Variants in UBE2E2 observed in about 807,000 individuals in gnomAD.
UBE2E2 encodes ubiquitin conjugating enzyme E2 E2.
UBE2E2 carries 6 observed loss-of-function variants against 24.7 expected under a neutral mutation model. That is an observed-to-expected ratio of 0.24 (90% confidence interval 0.13 to 0.48). UBE2E2 has a LOEUF of 0.48. Among genes scored for constraint, UBE2E2 ranks in the 20% least tolerant of loss-of-function variants. The pLI is 0.99. For synonymous variants in UBE2E2, 104 were observed against 83.6 expected, an observed-to-expected ratio of 1.24 and a Z score of -1.33; for missense variants, 169 against 245.0, an observed-to-expected ratio of 0.69 and a Z score of 2.07.
intron 1 of UBE2E2, chr3:23,204,626 G>A: frequency 1.1e-6 from 1 of 935,542 alleles, no homozygotes; most frequent in Admixed American, 6.2e-5. Context: ...TCTGTATGTG[G>A]GCTGACGCTG....
At position 23,280,723 on chromosome 3, in the gene UBE2E2, A is replaced by G. The variant is rs1275424790; in HGVS notation, c.227+63411A>G. Reference sequence around the variant, plus strand: ...CAGTAAATATTTATTGACTAAAGGAATGAGTACTGGAGACTAGCCTCTATG... The same window carrying G: ...CAGTAAATATTTATTGACTAAAGGAGTGAGTACTGGAGACTAGCCTCTATG... On this transcript the variant is annotated intron_variant, in intron 3 of 5. Coordinates refer to ENST00000396703, the MANE Select transcript of UBE2E2 (RefSeq NM_152653.4). This position sits in a 1 kb window ranked among gnomAD's most constrained non-coding sequence, Gnocchi z 4.3. 1.3e-5 allele frequency among the ~76,000 whole-genome samples: 2 copies of G among 152,200 alleles called. No homozygotes were observed. The highest frequency in any genetic ancestry group is 3.8e-4 in the East Asian group (2 of 5,198).
At position 23,302,148 on chromosome 3, in the gene UBE2E2, C is replaced by A. The variant is rs548842365; in HGVS notation, c.227+84836C>A. 7.9e-5 allele frequency among the ~76,000 whole-genome samples: 12 copies of A among 152,230 alleles called. No individual in the cohort carries two copies. In the South Asian group the frequency reaches 2.5e-3, roughly 32 times the overall value. The stretch of plus-strand genomic sequence containing the variant: ...GATTACTTTAGGTTTCTCTGTCTCC[C>A]AGTCTGTGATGTCCCTTCCAGCCAT... On this transcript the variant is annotated intron_variant, in intron 3 of 5. Coordinates refer to ENST00000396703, the MANE Select transcript of UBE2E2 (RefSeq NM_152653.4).
At chr3:23,273,713 C>T (rs1698311673) in intron 3 of UBE2E2, 1 of 152,148 alleles carries the variant, frequency 6.6e-6, no homozygotes, top group Non-Finnish European at 1.5e-5. Flanking sequence ...TGAATAAGAA[C>T]TTGTAAATTG....
At chr3:23,248,456 T>C (rs1352252020) in intron 3 of UBE2E2, among the ~76,000 whole-genome samples, 1 of 152,254 alleles carries the variant, frequency 6.6e-6, no homozygotes, top group Non-Finnish European at 1.5e-5. Context: ...GCTAGCTAAG[T>C]GGAATGTTGA....
At chr3:23,525,830 C>T (rs1461765227) in intron 4 of UBE2E2, among the ~76,000 whole-genome samples, 3 of 152,312 alleles carry the variant, frequency 2.0e-5, no homozygotes, top group Admixed American at 6.5e-5. Context: ...AGTCAGAGAT[C>T]GGAGTAGTCT....
At chr3:23,377,332 TG>T (rs1696549098) in intron 3 of UBE2E2, among the ~76,000 whole-genome samples, 1 of 152,248 alleles carries the variant, frequency 6.6e-6, no homozygotes, top group African/African-American at 2.4e-5. Flanking sequence ...TGTGTTACTC[TG>T]TGACTTGGCT....
chr3:23,470,165 T>A (rs1395539435), intron 3 of UBE2E2, among the ~76,000 whole-genome samples: 1 of 152,224 alleles, frequency 6.6e-6, no homozygotes, highest in African/African-American at 2.4e-5. Context: ...GTCCTAAAAT[T>A]GGGTCTTGTA....
intron 3 of UBE2E2, among the ~76,000 whole-genome samples, chr3:23,268,745 G>C (rs1698137689): frequency 6.7e-6 from 1 of 148,836 alleles, no homozygotes; most frequent in Non-Finnish European, 1.5e-5. Flanking sequence ...GCATTGCCAA[G>C]TCAATCCTAA....
At chr3:23,449,953 T>C (rs13100499) in intron 3 of UBE2E2, 85,855 of 984,246 alleles carry the variant, frequency 0.087, 4,097 homozygotes, top group Non-Finnish European at 0.093. Context: ...TGAAGAGGCA[T>C]CCTCCTGGCC....
chr3:23,289,591 T>C lies in UBE2E2; in HGVS notation c.227+72279T>C, dbSNP rs58280228. Among the ~76,000 whole-genome samples the C allele has an allele frequency of 5.7e-4, 87 of 152,372 alleles. 3 individuals carry two copies. The East Asian group carries it at 0.015, about 27-fold the overall frequency. On this transcript the variant is annotated intron_variant, in intron 3 of 5. Transcript: ENST00000396703. ...TTTAAGATGTCACTTTAAAATACTG[T>C]ACTGTGTTACCATAAGTAGAGTGCA...
intron 2 of UBE2E2, among the ~76,000 whole-genome samples, chr3:23,209,926 CAG>C (rs554009673): frequency 8.6e-5 from 13 of 152,040 alleles, no homozygotes; most frequent in Non-Finnish European, 1.5e-4. Flanking sequence ...GTTTGAAAGT[CAG>C]AGAGCCCTGA....
intron 4 of UBE2E2, among the ~76,000 whole-genome samples, chr3:23,531,116 T>C (rs1695113443): frequency 6.6e-6 from 1 of 152,180 alleles, no homozygotes. Flanking sequence ...CTGAGAATGA[T>C]GTCTCTTGTT....
chr3:23,575,911 T>G lies in UBE2E2; in HGVS notation c.509-13823T>G, dbSNP rs567991638. Among the ~76,000 whole-genome samples the G allele has an allele frequency of 2.0e-5, 3 of 152,284 alleles. No individual in the cohort carries two copies. The East Asian group carries it at 5.8e-4, about 29-fold the overall frequency. Reference sequence around the variant, plus strand: ...AGGAATGCCTTATAGTTACTAAAACTAATGTGCTAAGTCAATATGTGCTGT... The same window carrying G: ...AGGAATGCCTTATAGTTACTAAAACGAATGTGCTAAGTCAATATGTGCTGT... On this transcript the variant is annotated intron_variant, in intron 5 of 5. Transcript: ENST00000396703.
chr3:23,282,232 T>TG (rs1698505359), intron 3 of UBE2E2, among the ~76,000 whole-genome samples: 1 of 152,256 alleles, frequency 6.6e-6, no homozygotes, highest in Non-Finnish European at 1.5e-5. Context: ...AATTTTGTTT[T>TG]GCTACATTGC....
intron 5 of UBE2E2, among the ~76,000 whole-genome samples, chr3:23,555,446 C>T (rs1401867373): frequency 6.6e-6 from 1 of 152,094 alleles, no homozygotes; most frequent in Non-Finnish European, 1.5e-5. Flanking sequence ...TGGTACAGCC[C>T]TGAGGGAAAA....
intron 3 of UBE2E2, among the ~76,000 whole-genome samples, chr3:23,421,810 A>G (rs1240510539): frequency 2.0e-5 from 3 of 152,282 alleles, no homozygotes; most frequent in African/African-American, 4.8e-5. Flanking sequence ...GCCAGAGGGC[A>G]TGGAATAAGA....
chr3:23,406,069 A>G (rs140441050), intron 3 of UBE2E2, among the ~76,000 whole-genome samples: 59 of 152,382 alleles, frequency 3.9e-4, no homozygotes, highest in African/African-American at 1.2e-3. Flanking sequence ...AATTAAAACA[A>G]TAGCCTGAGT....
At chr3:23,328,505 A>G (rs953681374) in intron 3 of UBE2E2, among the ~76,000 whole-genome samples, 1 of 152,214 alleles carries the variant, frequency 6.6e-6, no homozygotes, top group Admixed American at 6.5e-5. Flanking sequence ...AAGATAGGCT[A>G]GGGTAAAGCT....
intron 3 of UBE2E2, among the ~76,000 whole-genome samples, chr3:23,460,572 A>C (rs1301706173): frequency 6.6e-6 from 1 of 152,230 alleles, no homozygotes; most frequent in African/African-American, 2.4e-5. Flanking sequence ...CAATATGTAT[A>C]TAAATACCGA....
Sources: gnomAD v4.1 joint callset for allele counts (sites outside exome capture counted in the v4.1 genomes callset) on GRCh38, gnomAD v4.1.1 for gene constraint, Gnocchi (gnomAD v3.1) non-coding constraint, MANE v1.5 for transcripts, NCBI Gene and HGNC (gene_info 2026-07-23, HGNC 2026-07-21) for gene names.